The following ANKS1B variants were observed in gnomAD, a reference collection of about 807,000 sequenced individuals.
ANKS1B encodes the protein ankyrin repeat and sterile alpha motif domain containing 1B.
Under a neutral mutation model 148.3 loss-of-function variants are expected in ANKS1B, and 36 were observed. The observed-to-expected ratio is 0.24, with a 90% CI of 0.19 to 0.32. The LOEUF (loss-of-function observed/expected upper bound fraction) is 0.32, where lower values mean the gene tolerates loss of function less well. Ranked by LOEUF, ANKS1B falls within the 10% of genes least tolerant of loss-of-function variation. ANKS1B has a pLI of 1.00. For synonymous variants in ANKS1B, 542 were observed against 560.8 expected (o/e 0.97, Z 0.47); for missense variants, 1,157 against 1,542.6 (o/e 0.75, Z 4.19).
intron 10 of ANKS1B, among the ~76,000 whole-genome samples, chr12:99,484,191 A>C (rs2096455565): frequency 1.3e-5 from 2 of 151,872 alleles, no homozygotes; most frequent in Non-Finnish European, 2.9e-5. Flanking sequence ...TTGATAACTT[A>C]TTTCATTATT....
chr12:98,743,495 A>AAATC (rs372773459), downstream of ANKS1B, among the ~76,000 whole-genome samples: 363 of 152,302 alleles, frequency 2.4e-3, 2 homozygotes, highest in African/African-American at 8.2e-3. Flanking sequence ...CCCTTGAAGA[A>AAATC]AATCAGCTGC....
chr12:99,155,330 T>C (rs2075891358), intron 14 of ANKS1B, among the ~76,000 whole-genome samples: 1 of 152,210 alleles, frequency 6.6e-6, no homozygotes, highest in South Asian at 2.1e-4. Flanking sequence ...CTCTCCGAGA[T>C]ATATATTTTT....
At chr12:99,774,463 C>T (rs2063472426) in intron 7 of ANKS1B, among the ~76,000 whole-genome samples, 1 of 151,922 alleles carries the variant, frequency 6.6e-6, no homozygotes, top group African/African-American at 2.4e-5. Context: ...AATGGCTATT[C>T]TCAAAAAGAC....
chr12:99,639,983 C>T (rs1427961677), intron 9 of ANKS1B, among the ~76,000 whole-genome samples: 2 of 152,018 alleles, frequency 1.3e-5, no homozygotes. Context: ...ACCAGCCTGG[C>T]CAACACAGTG....
At chr12:99,016,286 T>C in intron 17 of ANKS1B, among the ~76,000 whole-genome samples, 1 of 152,200 alleles carries the variant, frequency 6.6e-6, no homozygotes, top group African/African-American at 2.4e-5. Flanking sequence ...AATGAACAGA[T>C]GAGTTTTGTA....
chr12:99,302,945 T>C (rs1346269792), intron 12 of ANKS1B, among the ~76,000 whole-genome samples: 2 of 152,114 alleles, frequency 1.3e-5, no homozygotes, highest in African/African-American at 4.8e-5. Flanking sequence ...CCATGAGAAG[T>C]CCAGAAGATT....
chr12:99,837,739 C>T (rs2085079924), intron 1 of ANKS1B, among the ~76,000 whole-genome samples: 1 of 152,106 alleles, frequency 6.6e-6, no homozygotes, highest in Non-Finnish European at 1.5e-5. Flanking sequence ...ATACTTCAGT[C>T]TCATTGTTTT....
chr12:98,780,512 A>G (rs2098723918), intron 24 of ANKS1B, among the ~76,000 whole-genome samples: 1 of 152,218 alleles, frequency 6.6e-6, no homozygotes, highest in Non-Finnish European at 1.5e-5. Context: ...ACTGTGAGGA[A>G]GAAGTCACAG....
intron 17 of ANKS1B, among the ~76,000 whole-genome samples, chr12:99,046,232 TC>T (rs753408999): frequency 6.6e-6 from 1 of 152,046 alleles, no homozygotes; most frequent in Non-Finnish European, 1.5e-5. Context: ...CAAAGAATTT[TC>T]CTGTATCCCA....
At chr12:99,785,153 T>G (rs1266529450) in intron 4 of ANKS1B, among the ~76,000 whole-genome samples, 1 of 151,800 alleles carries the variant, frequency 6.6e-6, no homozygotes, top group Admixed American at 6.6e-5. Context: ...TCAAGGAAGA[T>G]TCCAAAGATG....
intron 8 of ANKS1B, among the ~76,000 whole-genome samples, chr12:99,698,318 G>A (rs529997385): frequency 1.3e-5 from 2 of 152,152 alleles, no homozygotes; most frequent in African/African-American, 2.4e-5. Context: ...CAAAATAACC[G>A]CAAATAAACC....
chr12:99,007,105 T>G (rs531342097), intron 17 of ANKS1B, among the ~76,000 whole-genome samples: 119 of 152,344 alleles, frequency 7.8e-4, no homozygotes, highest in African/African-American at 2.7e-3. Flanking sequence ...CTGCTGTTAT[T>G]GTTGTTCTCC....
rs2099002775 is a variant in ANKS1B at position 98,801,249 on chromosome 12, T to C, written c.3142-124A>G. 2 of 858,786 alleles carry C rather than the reference T, an allele frequency of 2.3e-6. No individual in the cohort carries two copies. The highest frequency in any genetic ancestry group is 1.7e-6 in the Non-Finnish European group (1 of 579,472). The allele number at this position is 858,786 out of a possible 1,614,324, so 53.2% of individuals were successfully genotyped here. A position where few individuals can be genotyped will look rare whatever the true frequency, so the allele number is the denominator to read the frequency against. Reference sequence around the variant, plus strand: ...TACCAAAATGCATTTGGGTGTCTTATGTGAATATAAATACTTGGTTATTAC... The same window carrying C: ...TACCAAAATGCATTTGGGTGTCTTACGTGAATATAAATACTTGGTTATTAC... On this transcript the variant is annotated intron_variant, in intron 20 of 26. Coordinates refer to ENST00000683438, the MANE Select transcript of ANKS1B (RefSeq NM_001352186.2). This position sits in a 1 kb window ranked among gnomAD's most constrained non-coding sequence, Gnocchi z 5.2.
At chr12:98,944,161 G>A (rs886613297) in intron 17 of ANKS1B, among the ~76,000 whole-genome samples, 3 of 152,082 alleles carry the variant, frequency 2.0e-5, no homozygotes, top group Non-Finnish European at 1.5e-5. Flanking sequence ...CTAGCTGGGT[G>A]TGGGGGCACG....
At chr12:98,957,603 C>T (rs2099864649) in intron 17 of ANKS1B, among the ~76,000 whole-genome samples, 1 of 152,068 alleles carries the variant, frequency 6.6e-6, no homozygotes, top group Non-Finnish European at 1.5e-5. Flanking sequence ...GCCTGAGCCT[C>T]CCAAAGTGCT....
chr12:99,079,377 T>G (rs1162846435), intron 16 of ANKS1B, among the ~76,000 whole-genome samples: 1 of 152,098 alleles, frequency 6.6e-6, no homozygotes, highest in Non-Finnish European at 1.5e-5. Flanking sequence ...AGGTTCTCAG[T>G]GCCATTCAGT....
chr12:99,920,752 A>C (rs1386534494), intron 1 of ANKS1B, among the ~76,000 whole-genome samples: 2 of 152,138 alleles, frequency 1.3e-5, no homozygotes, highest in Non-Finnish European at 2.9e-5. Context: ...CCATGTCCAA[A>C]GGCAGGAGAA....
At chr12:99,183,078 AG>A (rs1316816087) in intron 14 of ANKS1B, among the ~76,000 whole-genome samples, 1 of 152,170 alleles carries the variant, frequency 6.6e-6, no homozygotes, top group Admixed American at 6.5e-5. Flanking sequence ...TGTCAGATGG[AG>A]GGTTTGCAAA....
At chr12:99,767,181 G>A (rs979465318) in intron 8 of ANKS1B, among the ~76,000 whole-genome samples, 3 of 151,982 alleles carry the variant, frequency 2.0e-5, no homozygotes, top group Admixed American at 6.6e-5. Flanking sequence ...AGGCTGACAT[G>A]TAATTAAATA....
Sources: gnomAD v4.1 joint callset for allele counts (sites outside exome capture counted in the v4.1 genomes callset) on GRCh38, gnomAD v4.1.1 for gene constraint, Gnocchi (gnomAD v3.1) non-coding constraint, MANE v1.5 for transcripts, NCBI Gene and HGNC (gene_info 2026-07-23, HGNC 2026-07-21) for gene names.